Variants in NDUFAF6 observed in about 807,000 individuals in gnomAD.
NDUFAF6 encodes the protein NADH dehydrogenase (ubiquinone) complex I, assembly factor 6.
Under a neutral mutation model 40.8 loss-of-function variants are expected in NDUFAF6, and 45 were observed. The ratio of observed to expected loss-of-function variants is 1.10; its 90% CI spans 0.87 to 1.42. NDUFAF6 has a LOEUF of 1.42. NDUFAF6 is among the 40% of genes most tolerant of loss of function. NDUFAF6 has a pLI of 0.00. For missense variants in NDUFAF6, 435 were observed against 418.5 expected (o/e 1.04, Z -0.34); for synonymous variants, 185 against 155.9 (o/e 1.19, Z -1.39).
intron 1 of NDUFAF6, chr8:94,976,027 T>C (rs1425702567): frequency 6.9e-6 from 1 of 144,438 alleles, no homozygotes; most frequent in Non-Finnish European, 1.5e-5. Flanking sequence ...TGAAACCCTG[T>C]CTCCACTAAA....
chr8:94,915,932 A>G (rs1431332133), intron 1 of NDUFAF6, among the ~76,000 whole-genome samples: 2 of 152,200 alleles, frequency 1.3e-5, no homozygotes, highest in Non-Finnish European at 2.9e-5. Context: ...GATTGTGAGG[A>G]TATCCCTCCT....
At chr8:95,011,002 T>G (rs570396019) in intron 2 of NDUFAF6, among the ~76,000 whole-genome samples, 15 of 152,314 alleles carry the variant, frequency 9.8e-5, no homozygotes, top group African/African-American at 3.6e-4. Flanking sequence ...GGCGGAAATG[T>G]CTATGCCCTT....
At chr8:95,053,573 G>A (rs952422775) in intron 8 of NDUFAF6, among the ~76,000 whole-genome samples, 2 of 152,072 alleles carry the variant, frequency 1.3e-5, no homozygotes, top group Non-Finnish European at 2.9e-5. Context: ...TATATTGGTG[G>A]ACCCAGGCAT....
rs144578754 is a variant in NDUFAF6 at position 95,013,721 on chromosome 8, T to C, written c.-83-18274T>C. Among the ~76,000 whole-genome samples, 11 of 152,236 alleles carry C rather than the reference T, an allele frequency of 7.2e-5. No individual in the cohort carries two copies. The East Asian group carries it at 2.1e-3, about 29-fold the overall frequency. ...CCAGTAAAAACATAAGTATATAATA[T>C]GTCAGATGGTGATATATACTGCAAA... On this transcript the variant is annotated intron_variant, in intron 2 of 9. Coordinates refer to the NDUFAF6 transcript ENST00000396111.
At chr8:95,050,432 G>A (rs1400216280) in intron 7 of NDUFAF6, among the ~76,000 whole-genome samples, 3 of 152,172 alleles carry the variant, frequency 2.0e-5, no homozygotes, top group Admixed American at 6.5e-5. Context: ...TGCAAACTCT[G>A]GAACCAGAAG....
chr8:95,034,638 T>C (rs572533683), intron 2 of NDUFAF6: 2 of 152,724 alleles, frequency 1.3e-5, no homozygotes, highest in East Asian at 1.9e-4. Flanking sequence ...ATTAAACTTA[T>C]GGATTCCTAG....
At chr8:94,971,727 A>T (rs1299170808) in intron 1 of NDUFAF6, among the ~76,000 whole-genome samples, 1 of 152,164 alleles carries the variant, frequency 6.6e-6, no homozygotes, top group Non-Finnish European at 1.5e-5. Context: ...ACCTGAGGTC[A>T]GGAGTTCGAG....
chr8:94,907,939 A>C (rs756870816), intron 1 of NDUFAF6, among the ~76,000 whole-genome samples: 1 of 152,220 alleles, frequency 6.6e-6, no homozygotes, highest in Non-Finnish European at 1.5e-5. Flanking sequence ...CTGAATCTCC[A>C]GTACCTAAAA....
In NDUFAF6 at chr8:94,976,925, C is replaced by T. The variant is rs149740887; in HGVS notation, c.-198-3934C>T. ...CAGCACTTTGGGAAGCCCAGTCAGG[C>T]GGATCGCTTGAGTCCAAGAGTTTGA... On this transcript the variant is annotated intron_variant, in intron 1 of 9. Transcript: ENST00000396111. 5.5e-3 allele frequency among the ~76,000 whole-genome samples: 832 copies of T among 151,664 alleles called. 8 individuals are homozygous for T. The highest frequency in any genetic ancestry group is 0.018 in the African/African-American group (737 of 41,368).
At position 95,025,042 on chromosome 8, in the gene NDUFAF6, C is replaced by A; in HGVS notation, c.34C>A (p.Pro12Thr). The A allele has an allele frequency of 7.1e-7, 1 of 1,417,128 alleles. No individual in the cohort carries two copies. The highest frequency in any genetic ancestry group is 9.1e-7 in the Non-Finnish European group (1 of 1,098,008). The allele number at this position is 1,417,128 out of a possible 1,614,324, so 87.8% of individuals were successfully genotyped here. Residue 12 changes from proline (P) to threonine (T), a missense_variant, in exon 1 of 9, where the codon CCG becomes ACG. Physicochemically the swap from Pro to Thr is conservative, Grantham distance 38. Transcript: ENST00000396124. ...AASAHGSVWG[P>T]LRLGIPGLCC... ...CTCCGCGCACGGCTCTGTCTGGGGG[C>A]CGTTGCGGCTTGGCATCCCCGGCCT... is the stretch of plus-strand genomic sequence containing the variant.
chr8:94,965,893 C>G (rs112076731), intron 1 of NDUFAF6, among the ~76,000 whole-genome samples: 19,848 of 152,018 alleles, frequency 0.13, 1,627 homozygotes, highest in Middle Eastern at 0.23. Context: ...TCATAAAAAC[C>G]CTATGAAGTA....
At chr8:95,080,931 C>T (rs912950831), downstream of NDUFAF6, among the ~76,000 whole-genome samples, 6 of 152,178 alleles carry the variant, frequency 3.9e-5, no homozygotes, top group Admixed American at 3.9e-4. Context: ...TGTCTCAGTT[C>T]ACCCACTGTG....
rs114304348 is a variant in NDUFAF6, at chr8:95,004,849, G to A, written c.-84+23876G>A. Among the ~76,000 whole-genome samples the A allele has an allele frequency of 9.9e-3, 1,514 of 152,276 alleles. 28 individuals carry two copies. The highest frequency in any genetic ancestry group is 0.035 in the African/African-American group (1,443 of 41,560). ...CACATGATCCATCTGTTCTGTGAGG[G>A]CAGGAATTCTATTTCATTCATTCTT... On this transcript the variant is annotated intron_variant, in intron 2 of 9. Transcript: ENST00000396111.
At chr8:95,055,136 C>T (rs969466388) in intron 8 of NDUFAF6, 4 of 152,034 alleles carry the variant, frequency 2.6e-5, no homozygotes, top group African/African-American at 9.7e-5. Flanking sequence ...GAATTTTCTC[C>T]TAATCCTAAA....
At chr8:94,936,430 G>C (rs762142737) in intron 1 of NDUFAF6, among the ~76,000 whole-genome samples, 5 of 152,324 alleles carry the variant, frequency 3.3e-5, no homozygotes, top group Non-Finnish European at 4.4e-5. Context: ...GACTGACAAA[G>C]AGCTGCTTGG....
chr8:95,024,492 G>A (rs1350178654), upstream of NDUFAF6, among the ~76,000 whole-genome samples: 2 of 152,218 alleles, frequency 1.3e-5, no homozygotes, highest in Non-Finnish European at 2.9e-5. Context: ...CAAACAGGGC[G>A]ACATTTCCAG....
rs569099389 is a variant in NDUFAF6 at position 95,090,895 on chromosome 8, A to C, written n.214-10237A>C. ...CCGTGCTGAATGCTTCCTGACCTCT[A>C]TATTGGACTCCAAGTTCTTCAGTTT... On this transcript the variant is annotated intron_variant and non_coding_transcript_variant, in intron 2 of 5. Transcript: ENST00000523184. Among the ~76,000 whole-genome samples, 4 of 152,212 alleles carry C rather than the reference A, an allele frequency of 2.6e-5. No homozygotes were observed. The South Asian group carries it at 8.3e-4, about 32-fold the overall frequency.
intron 9 of NDUFAF6, among the ~76,000 whole-genome samples, chr8:95,075,397 C>T (rs1215733091): frequency 6.6e-6 from 1 of 152,144 alleles, no homozygotes; most frequent in Non-Finnish European, 1.5e-5. Flanking sequence ...AAAATTCAGT[C>T]TGTCAGGTCA....
At chr8:95,090,861 A>G (rs905259825) in intron 2 of NDUFAF6, among the ~76,000 whole-genome samples, 1 of 151,986 alleles carries the variant, frequency 6.6e-6, no homozygotes, top group Non-Finnish European at 1.5e-5. Context: ...CCCAGCCCAC[A>G]TTTTTCTCCC....
Sources: gnomAD v4.1 joint callset for allele counts (sites outside exome capture counted in the v4.1 genomes callset) on GRCh38, gnomAD v4.1.1 for gene constraint, MANE v1.5 for transcripts, NCBI Gene and HGNC (gene_info 2026-07-23, HGNC 2026-07-21) for gene names.